Variants in RAB6B observed in about 807,000 individuals in gnomAD.
RAB6B encodes ras-related protein Rab-6B.
In RAB6B, 7 loss-of-function variants were observed where a neutral mutation model predicts 31.2. The observed-to-expected ratio is 0.22, with a 90% CI of 0.13 to 0.42. The LOEUF (loss-of-function observed/expected upper bound fraction) is 0.42. Ranked by LOEUF, RAB6B falls within the 10% of genes least tolerant of loss-of-function variation. The probability of loss-of-function intolerance (pLI) is 1.00; values close to 1 mark genes in which losing one functional copy is unlikely to be tolerated. For synonymous variants in RAB6B, 105 were observed against 104.9 expected, an observed-to-expected ratio of 1.00 and a Z score of -0.01; for missense variants, 149 against 280.6, an observed-to-expected ratio of 0.53 and a Z score of 3.35.
intron 2 of RAB6B, among the ~76,000 whole-genome samples, chr3:133,861,575 C>T (rs1236379153): frequency 2.6e-5 from 4 of 152,230 alleles, no homozygotes; most frequent in Non-Finnish European, 1.5e-5. Context: ...CCAGCTGTCA[C>T]TGAGGATAGG....
intron 7 of RAB6B, among the ~76,000 whole-genome samples, chr3:133,829,918 A>G (rs964272841): frequency 1.3e-5 from 2 of 151,198 alleles, no homozygotes; most frequent in East Asian, 1.9e-4. Flanking sequence ...TATTTTCCCC[A>G]TGTGTGTGTG....
chr3:133,857,509 T>A (rs974065094), intron 2 of RAB6B, among the ~76,000 whole-genome samples: 10 of 148,840 alleles, frequency 6.7e-5, no homozygotes, highest in African/African-American at 2.5e-4. Flanking sequence ...TCTGACCACC[T>A]CTACCAGGGC....
In RAB6B at chr3:133,826,781, TTTC is replaced by T. The variant is rs1935570580; in HGVS notation, c.*2004_*2006del. 6.5e-6 allele frequency: 1 copy of T among 152,710 alleles called. No individual in the cohort carries two copies. The allele number at this position is 152,710 out of a possible 1,614,324, so 9.5% of individuals were successfully genotyped here. A position where few individuals can be genotyped will look rare whatever the true frequency, so the allele number is the denominator to read the frequency against. On this transcript the variant is annotated 3_prime_UTR_variant, in exon 8 of 8. Coordinates refer to ENST00000285208, the MANE Select transcript of RAB6B (RefSeq NM_016577.4). ...ACAAGTTATTTGACAATATTAAGTA[TTTC>T]TTATTTCAACACGTTGCAGTACTTT...
intron 1 of RAB6B, among the ~76,000 whole-genome samples, chr3:133,889,868 C>A (rs1388810843): frequency 2.0e-5 from 3 of 152,188 alleles, no homozygotes; most frequent in Admixed American, 6.5e-5. Context: ...TTCTAAGTTT[C>A]TTTTTTCTTT....
In RAB6B at chr3:133,827,760, C is replaced by T; in HGVS notation, c.*1028G>A. The T allele has an allele frequency of 2.1e-5, 2 of 97,514 alleles. No homozygotes were observed. Among genetic ancestry groups the T allele is most frequent in the East Asian group, 3.0e-4 (1 of 3,282 alleles). The allele number at this position is 97,514 out of a possible 1,614,324, so 6.0% of individuals were successfully genotyped here. A position where few individuals can be genotyped will look rare whatever the true frequency, so the allele number is the denominator to read the frequency against. On this transcript the variant is annotated 3_prime_UTR_variant, in exon 8 of 8. Coordinates refer to ENST00000285208, the MANE Select transcript of RAB6B (RefSeq NM_016577.4). ...CTGCAGACAACACCCCCCCCCCCCCCCGCCTCCCCATCACAGAGGATCAAC... is the reference window on the plus strand; with the variant it reads ...CTGCAGACAACACCCCCCCCCCCCCTCGCCTCCCCATCACAGAGGATCAAC...
intron 1 of RAB6B, among the ~76,000 whole-genome samples, chr3:133,876,580 T>G (rs746392461): frequency 6.6e-6 from 1 of 152,074 alleles, no homozygotes; most frequent in Non-Finnish European, 1.5e-5. Context: ...CTTCCCTAAT[T>G]ATTGAAGGTA....
At chr3:133,891,983 G>A (rs967401026) in intron 1 of RAB6B, among the ~76,000 whole-genome samples, 7 of 152,274 alleles carry the variant, frequency 4.6e-5, no homozygotes, top group South Asian at 2.1e-4. Context: ...CACAGCAGAC[G>A]CATCCCTGAC....
At chr3:133,889,712 G>A (rs1348161617) in intron 1 of RAB6B, among the ~76,000 whole-genome samples, 1 of 151,918 alleles carries the variant, frequency 6.6e-6, no homozygotes, top group Admixed American at 6.6e-5. Flanking sequence ...CCAAAGTGCT[G>A]GGATTACAGG....
intron 7 of RAB6B, 91 bp from the exon 8 acceptor site, chr3:133,828,943 G>A: frequency 3.3e-6 from 4 of 1,225,652 alleles, no homozygotes; most frequent in Non-Finnish European, 4.5e-6. Flanking sequence ...CTACTGCTCT[G>A]TTTCTCTGCA....
chr3:133,890,820 T>G (rs1192163334), intron 1 of RAB6B, among the ~76,000 whole-genome samples: 2 of 152,152 alleles, frequency 1.3e-5, no homozygotes, highest in Non-Finnish European at 2.9e-5. Flanking sequence ...CAATTACGGT[T>G]TTTGTACCTG....
chr3:133,880,256 C>G (rs1936447614), intron 1 of RAB6B, among the ~76,000 whole-genome samples: 1 of 152,176 alleles, frequency 6.6e-6, no homozygotes, highest in Non-Finnish European at 1.5e-5. Context: ...CTTATATACC[C>G]AAGGCTTAAC....
intron 1 of RAB6B, 149 bp from the exon 2 acceptor site, chr3:133,864,791 G>C (rs1405412324): frequency 1.3e-6 from 1 of 777,396 alleles, no homozygotes; most frequent in East Asian, 2.7e-5. Flanking sequence ...ACAGGCCCCT[G>C]CTAGGGACCC....
intron 2 of RAB6B, among the ~76,000 whole-genome samples, chr3:133,861,933 C>A (rs757722053): frequency 6.6e-6 from 1 of 152,056 alleles, no homozygotes; most frequent in Non-Finnish European, 1.5e-5. Context: ...TCCCCAAAGA[C>A]CCTGGGGATC....
intron 1 of RAB6B, among the ~76,000 whole-genome samples, chr3:133,889,318 A>G (rs912499192): frequency 6.7e-6 from 1 of 149,534 alleles, no homozygotes; most frequent in Non-Finnish European, 1.5e-5. Context: ...TCGGGGCAAC[A>G]TCTATAAAGA....
In RAB6B at chr3:133,826,344, G is replaced by A. The variant is rs944652424; in HGVS notation, c.*2444C>T. The A allele has an allele frequency of 2.0e-5, 3 of 152,216 alleles. No homozygotes were observed. The highest frequency in any genetic ancestry group is 4.4e-5 in the Non-Finnish European group (3 of 68,034). 9.4% of individuals were successfully genotyped at this position (152,216 alleles called of 1,614,324 possible). A position where few individuals can be genotyped will look rare whatever the true frequency, so the allele number is the denominator to read the frequency against. ...TGGAAACACAGTCCACGGTGCCTTG[G>A]ATGTGTGTGCCCCTGAGAAGGGAAC... On this transcript the variant is annotated 3_prime_UTR_variant, in exon 8 of 8. Transcript: ENST00000285208.
intron 5 of RAB6B, 59 bp from the exon 6 acceptor site, chr3:133,838,318 T>C: frequency 1.3e-6 from 2 of 1,505,960 alleles, no homozygotes; most frequent in South Asian, 1.1e-5. Flanking sequence ...CTGGCAGATA[T>C]GAGGAGGGAC....
intron 2 of RAB6B, among the ~76,000 whole-genome samples, chr3:133,860,569 C>T (rs984826157): frequency 6.6e-6 from 1 of 152,244 alleles, no homozygotes; most frequent in African/African-American, 2.4e-5. Context: ...AGAGGAAAGC[C>T]TCAGGGCGGA....
chr3:133,841,288 T>A lies in RAB6B; in HGVS notation c.286A>T (p.Thr96Ser), dbSNP rs1935826649. The change falls in exon 4 of 8, where the codon ACA (threonine) becomes TCA (serine). Residue 96 changes from threonine to serine, a missense_variant. By Grantham distance (58) the Thr-to-Ser change is moderately conservative. Coordinates refer to ENST00000285208, the MANE Select transcript of RAB6B (RefSeq NM_016577.4). ...STVAVVVYDI[T>S]NLNSFQQTSK... ...TTAGGAGCAGAGCCTCACTCACTTG[T>A]GATGTCGTACACCACCACAGCCACC... is the stretch of plus-strand genomic sequence containing the variant. 3 of 1,613,980 alleles carry A rather than the reference T, an allele frequency of 1.9e-6. No homozygotes were observed. The highest frequency in any genetic ancestry group is 1.3e-5 in the African/African-American group (1 of 74,918).
chr3:133,880,381 GA>G (rs1428060512), intron 1 of RAB6B, among the ~76,000 whole-genome samples: 1 of 152,222 alleles, frequency 6.6e-6, no homozygotes, highest in Non-Finnish European at 1.5e-5. Context: ...TGTCAGCTGA[GA>G]CCCAGTCAGA....
Sources: allele counts gnomAD v4.1 joint callset (sites outside exome capture counted in the v4.1 genomes callset), GRCh38; gene constraint gnomAD v4.1.1; transcripts MANE v1.5; gene names NCBI Gene and HGNC (gene_info 2026-07-23, HGNC 2026-07-21).